Variants in MAPRE1 observed in about 807,000 individuals in gnomAD.
MAPRE1 encodes the protein microtubule-associated protein RP/EB family member 1.
Under a neutral mutation model 32.1 loss-of-function variants are expected in MAPRE1, and 5 were observed. The ratio of observed to expected loss-of-function variants is 0.16; its 90% CI spans 0.08 to 0.33. The LOEUF is 0.33. MAPRE1 is among the 10% of genes least tolerant of loss of function. The pLI is 1.00. For synonymous variants in MAPRE1, 122 were observed against 118.9 expected (o/e 1.03, Z -0.17); for missense variants, 209 against 327.2 (o/e 0.64, Z 2.79).
chr20:32,826,353 A>G (rs1982848550), intron 2 of MAPRE1, among the ~76,000 whole-genome samples: 1 of 149,394 alleles, frequency 6.7e-6, no homozygotes, highest in Non-Finnish European at 1.5e-5. Context: ...AGTAGCTGGG[A>G]CTACAGGCGC....
chr20:32,827,459 T>C (rs1982888707), intron 2 of MAPRE1, among the ~76,000 whole-genome samples: 1 of 152,102 alleles, frequency 6.6e-6, no homozygotes, highest in African/African-American at 2.4e-5. Flanking sequence ...AAACATGGTC[T>C]CTTTCTATGT....
At chr20:32,843,128 C>T (rs901849398) in intron 5 of MAPRE1, 1 of 152,070 alleles carries the variant, frequency 6.6e-6, no homozygotes, top group South Asian at 2.1e-4. Context: ...TTGGCCTGCA[C>T]AGAGTTTTAT....
intron 5 of MAPRE1, among the ~76,000 whole-genome samples, chr20:32,845,996 A>G (rs1333455089): frequency 1.3e-5 from 2 of 152,220 alleles, no homozygotes; most frequent in Non-Finnish European, 2.9e-5. Context: ...CTTGTCATAG[A>G]TGTGAATACA....
intron 2 of MAPRE1, among the ~76,000 whole-genome samples, chr20:32,828,532 CA>C: frequency 6.6e-6 from 1 of 152,266 alleles, no homozygotes; most frequent in South Asian, 2.1e-4. Flanking sequence ...TGCTCTGAGC[CA>C]TGTGACTTTT....
rs374382367 is a variant in MAPRE1 at position 32,839,832 on chromosome 20, C to T, written c.573C>T (p.Asp191=). Residue 191 remains aspartate (D), a synonymous_variant, in exon 5 of 7, where the codon GAC becomes GAT. Transcript: ENST00000375571. ...RKNPGVGNGD[D]EAAELMQQVN... ...ACCCTGGTGTGGGCAACGGAGACGACGAGGCAGCTGAGTTGATGCAGCAGG... is the reference window on the plus strand; with the variant it reads ...ACCCTGGTGTGGGCAACGGAGACGATGAGGCAGCTGAGTTGATGCAGCAGG... 547 of 1,614,134 alleles carry T rather than the reference C, an allele frequency of 3.4e-4. 6 individuals carry two copies. In the South Asian group the frequency reaches 4.4e-3, roughly 13 times the overall value.
At chr20:32,845,455 T>C (rs1983482938) in intron 5 of MAPRE1, among the ~76,000 whole-genome samples, 1 of 152,180 alleles carries the variant, frequency 6.6e-6, no homozygotes, top group South Asian at 2.1e-4. Context: ...ACTTTGATGA[T>C]GAACTTTGAA....
At chr20:32,823,747 G>T (rs1982766243) in intron 1 of MAPRE1, among the ~76,000 whole-genome samples, 1 of 152,128 alleles carries the variant, frequency 6.6e-6, no homozygotes, top group African/African-American at 2.4e-5. Context: ...AAATTAGCTG[G>T]GCTTGGTGGT....
rs759140325 is a variant in MAPRE1, at chr20:32,848,733, C to G, written c.*5C>G. ...GAGGAGCAAGAAGAGTATTAACAGC[C>G]TGGACCAGCAGAGCAACATCGGAAT... On this transcript the variant is annotated 3_prime_UTR_variant, in exon 7 of 7. Coordinates refer to ENST00000375571, the MANE Select transcript of MAPRE1 (RefSeq NM_012325.3). The G allele has an allele frequency of 2.2e-5, 36 of 1,610,038 alleles. No individual in the cohort carries two copies. In the Admixed American group the frequency reaches 5.9e-4, roughly 26 times the overall value.
At chr20:32,830,203 T>A (rs926149768) in intron 2 of MAPRE1, among the ~76,000 whole-genome samples, 1 of 151,976 alleles carries the variant, frequency 6.6e-6, no homozygotes, top group Non-Finnish European at 1.5e-5. Flanking sequence ...AATGGTAGAT[T>A]CCTTTCTCCT....
At chr20:32,831,957 A>C (rs1430512732) in intron 2 of MAPRE1, among the ~76,000 whole-genome samples, 3 of 151,898 alleles carry the variant, frequency 2.0e-5, no homozygotes, top group Non-Finnish European at 4.4e-5. Context: ...CAAAAAAAAA[A>C]AAAAAAACAA....
intron 5 of MAPRE1, among the ~76,000 whole-genome samples, chr20:32,841,361 T>C (rs1983354700): frequency 6.6e-6 from 1 of 151,444 alleles, no homozygotes. Context: ...GAGTAAAGAG[T>C]GGTTAATGTT....
chr20:32,838,558 GTATT>G (rs1983264673), intron 4 of MAPRE1, among the ~76,000 whole-genome samples: 1 of 152,174 alleles, frequency 6.6e-6, no homozygotes, highest in African/African-American at 2.4e-5. Flanking sequence ...TGTTAACTCT[GTATT>G]TAACCTTTTG....
intron 2 of MAPRE1, among the ~76,000 whole-genome samples, chr20:32,833,127 G>A (rs1983086538): frequency 6.6e-6 from 1 of 151,682 alleles, no homozygotes; most frequent in African/African-American, 2.4e-5. Flanking sequence ...ACTTGAGCCT[G>A]GGAGGCAGAA....
At chr20:32,824,406 G>A (rs866292355) in intron 1 of MAPRE1, among the ~76,000 whole-genome samples, 2 of 152,248 alleles carry the variant, frequency 1.3e-5, no homozygotes, top group Admixed American at 1.3e-4. Flanking sequence ...GGAGGCTGGG[G>A]CTGGGCAGGC....
At chr20:32,819,937 G>A (rs1222952033), upstream of MAPRE1, 2 of 151,224 alleles carry the variant, frequency 1.3e-5, no homozygotes, top group African/African-American at 4.9e-5. Flanking sequence ...AGGTCATCGC[G>A]CGGGCGGGCG....
At chr20:32,820,516 A>G (rs1401888809) in intron 1 of MAPRE1, among the ~76,000 whole-genome samples, 1 of 152,090 alleles carries the variant, frequency 6.6e-6, no homozygotes, top group African/African-American at 2.4e-5. Context: ...CAGCTTCCTC[A>G]TCTGTAAAAC....
intron 2 of MAPRE1, among the ~76,000 whole-genome samples, chr20:32,833,032 C>T (rs910299441): frequency 6.6e-6 from 1 of 151,702 alleles, no homozygotes; most frequent in African/African-American, 2.4e-5. Flanking sequence ...TGGCTGGGTG[C>T]TCTACAAAAA....
At chr20:32,819,804 C>CT (rs1982627799), upstream of MAPRE1, 1 of 152,208 alleles carries the variant, frequency 6.6e-6, no homozygotes, top group African/African-American at 2.4e-5. Flanking sequence ...CGCCCCTCGG[C>CT]TACCGTTCTG....
rs148169677 is a variant in MAPRE1, at chr20:32,849,689, T to C, written c.*961T>C. ...TCCTCTTTGGCTCCTTGAAGTTTGC[T>C]GCTTAGAGTTGGAAGTGCAGCAGGC... is the stretch of plus-strand genomic sequence containing the variant. On this transcript the variant is annotated 3_prime_UTR_variant, in exon 7 of 7. Coordinates refer to ENST00000375571, the MANE Select transcript of MAPRE1 (RefSeq NM_012325.3). 32 of 152,792 alleles carry C rather than the reference T, an allele frequency of 2.1e-4. No individual in the cohort carries two copies. The highest frequency in any genetic ancestry group is 6.0e-4 in the African/African-American group (25 of 41,570). 9.5% of individuals were successfully genotyped at this position (152,792 alleles called of 1,614,324 possible). A position where few individuals can be genotyped will look rare whatever the true frequency, so the allele number is the denominator to read the frequency against.
Sources: gnomAD v4.1 joint callset for allele counts (sites outside exome capture counted in the v4.1 genomes callset) on GRCh38, gnomAD v4.1.1 for gene constraint, MANE v1.5 for transcripts, NCBI Gene and HGNC (gene_info 2026-07-23, HGNC 2026-07-21) for gene names.